The following PUS10 variants were observed in gnomAD, a reference collection of about 807,000 sequenced individuals.
The protein encoded by PUS10 is tRNA pseudouridine synthase Pus10.
A neutral mutation model predicts 75.0 loss-of-function variants in PUS10; 59 were observed. The ratio of observed to expected loss-of-function variants is 0.79; its 90% CI spans 0.64 to 0.98. The LOEUF (loss-of-function observed/expected upper bound fraction) is 0.98. Among genes scored for constraint, PUS10 ranks in the 50% least tolerant of loss-of-function variants. The probability of loss-of-function intolerance (pLI) is 0.00; values close to 1 mark genes in which losing one functional copy is unlikely to be tolerated. For missense variants in PUS10, 650 were observed against 614.4 expected, an observed-to-expected ratio of 1.06 and a Z score of -0.61; for synonymous variants, 219 against 211.6, an observed-to-expected ratio of 1.03 and a Z score of -0.30.
intron 4 of PUS10, among the ~76,000 whole-genome samples, chr2:60,981,090 G>A (rs904530575): frequency 2.0e-5 from 3 of 151,612 alleles, no homozygotes; most frequent in South Asian, 4.2e-4. Flanking sequence ...ATGGGGTTTC[G>A]CCATGTTGGC....
At chr2:60,963,974 G>C (rs1165781094) in intron 8 of PUS10, among the ~76,000 whole-genome samples, 1 of 152,214 alleles carries the variant, frequency 6.6e-6, no homozygotes, top group African/African-American at 2.4e-5. Context: ...TATTTGGGCA[G>C]AGCTTCCCAA....
intron 3 of PUS10, among the ~76,000 whole-genome samples, chr2:61,007,384 C>T (rs770894410): frequency 1.3e-5 from 2 of 152,058 alleles, no homozygotes; most frequent in Non-Finnish European, 2.9e-5. Flanking sequence ...ATCACTTGAG[C>T]CCAGAGGTGG....
intron 4 of PUS10, among the ~76,000 whole-genome samples, chr2:60,979,128 C>CACATACACATAT (rs1398190676): frequency 6.6e-6 from 1 of 151,852 alleles, no homozygotes; most frequent in Non-Finnish European, 1.5e-5. Context: ...CATACACATA[C>CACATACACATAT]ACATACACAT....
At chr2:60,945,336 ATTACT>A (rs1674877834) in intron 16 of PUS10, among the ~76,000 whole-genome samples, 1 of 152,210 alleles carries the variant, frequency 6.6e-6, no homozygotes, top group Non-Finnish European at 1.5e-5. Flanking sequence ...ACCAAAAATC[ATTACT>A]TTCTTTTTTC....
chr2:61,002,347 G>A (rs887937167), intron 4 of PUS10, among the ~76,000 whole-genome samples: 3 of 152,154 alleles, frequency 2.0e-5, no homozygotes, highest in African/African-American at 7.2e-5. Context: ...TCACACTACT[G>A]TATTCATTAG....
intron 4 of PUS10, among the ~76,000 whole-genome samples, chr2:60,990,621 A>T (rs1183043936): frequency 6.6e-6 from 1 of 152,216 alleles, no homozygotes; most frequent in Non-Finnish European, 1.5e-5. Flanking sequence ...CTGTGGCTGG[A>T]TTAAGGTAAT....
intron 4 of PUS10, among the ~76,000 whole-genome samples, chr2:60,976,564 G>C (rs1677044695): frequency 6.6e-6 from 1 of 152,194 alleles, no homozygotes; most frequent in African/African-American, 2.4e-5. Flanking sequence ...GGGAAACCAG[G>C]TAACCATGTG....
intron 17 of PUS10, among the ~76,000 whole-genome samples, chr2:60,943,694 C>A (rs1456950071): frequency 1.3e-5 from 2 of 151,364 alleles, no homozygotes; most frequent in African/African-American, 4.9e-5. Context: ...TAGCCATATA[C>A]CAAACACCCA....
rs368029948 is a variant in PUS10, at chr2:60,945,126, A to G, written c.1452-18T>C. The G allele has an allele frequency of 4.2e-5, 65 of 1,541,626 alleles. No individual in the cohort carries two copies. The highest frequency in any genetic ancestry group is 5.7e-5 in the Non-Finnish European group (63 of 1,114,036). ...TAATGTAGCTGGGGTTTGTTTAAGG[A>G]AAAAATGAAGACAGCATGCTGTACC... On this transcript the variant is annotated intron_variant, in intron 16 of 17. Transcript: ENST00000316752.
chr2:60,948,307 A>T lies in PUS10; in HGVS notation c.1309-122T>A, dbSNP rs113007649. On this transcript the variant is annotated intron_variant, in intron 15 of 17. Coordinates refer to ENST00000316752, the MANE Select transcript of PUS10 (RefSeq NM_144709.4). ...ATGCTTCCTTGAGAGAACTAAAATG[A>T]ATTGTGTCCCCTTAGGTTCAAACTC... is the stretch of plus-strand genomic sequence containing the variant. 3.4e-4 allele frequency: 309 copies of T among 918,542 alleles called. 2 individuals carry two copies. The African/African-American group carries it at 4.5e-3, about 13-fold the overall frequency. 56.9% of individuals were successfully genotyped at this position (918,542 alleles called of 1,614,324 possible).
chr2:60,995,632 T>G (rs79834923), intron 4 of PUS10, among the ~76,000 whole-genome samples: 1 of 152,344 alleles, frequency 6.6e-6, no homozygotes, highest in East Asian at 1.9e-4. Context: ...AAAAATAGTT[T>G]AATAAAGATC....
Position 60,941,759 on chromosome 2 carries a change from TA to T in PUS10, c.*635del, listed in dbSNP as rs1021304697. On this transcript the variant is annotated 3_prime_UTR_variant, in exon 18 of 18. Coordinates refer to ENST00000316752, the MANE Select transcript of PUS10 (RefSeq NM_144709.4). ...TTACTTTCCCTCCACAGGAAACCTA[TA>T]TTGACAATTTTAGATTGTCAAAATT... The T allele has an allele frequency of 1.3e-5, 2 of 152,306 alleles. No individual in the cohort carries two copies. The highest frequency in any genetic ancestry group is 2.1e-4 in the South Asian group (1 of 4,836). 9.4% of individuals were successfully genotyped at this position (152,306 alleles called of 1,614,324 possible).
At chr2:60,954,932 A>G in intron 12 of PUS10, 86 bp downstream of exon 12, 1 of 879,386 alleles carries the variant, frequency 1.1e-6, no homozygotes, top group Non-Finnish European at 1.7e-6. Flanking sequence ...TTTGTTTTTC[A>G]CTGAGTGACT....
At chr2:60,990,692 G>A (rs551685469) in intron 4 of PUS10, among the ~76,000 whole-genome samples, 1 of 152,182 alleles carries the variant, frequency 6.6e-6, no homozygotes, top group Non-Finnish European at 1.5e-5. Context: ...CTCTGGAGGA[G>A]AACATTATTT....
intron 14 of PUS10, 139 bp from the exon 15 acceptor site, chr2:60,953,253 T>C (rs2104238615): frequency 1.6e-6 from 1 of 635,598 alleles, no homozygotes; most frequent in East Asian, 2.6e-5. Flanking sequence ...TTTTAGTATG[T>C]TTTCAGAGTT....
At position 61,008,725 on chromosome 2, in the gene PUS10, C is replaced by A. The variant is rs575122890; in HGVS notation, c.381+36G>T. 4.2e-6 allele frequency: 6 copies of A among 1,437,536 alleles called. No homozygotes were observed. The African/African-American group carries it at 7.2e-5, about 17-fold the overall frequency. The allele number at this position is 1,437,536 out of a possible 1,614,324, so 89.0% of individuals were successfully genotyped here. ...TTGGTTTTAAGACTGAAAATCTCTA[C>A]ATAATTGCACCTATAATGAAAAACA... On this transcript the variant is annotated intron_variant, in intron 3 of 17. Transcript: ENST00000316752.
intron 11 of PUS10, among the ~76,000 whole-genome samples, chr2:60,955,980 T>G (rs953420011): frequency 6.6e-6 from 1 of 152,132 alleles, no homozygotes; most frequent in Non-Finnish European, 1.5e-5. Flanking sequence ...ATTCATTATA[T>G]ATGATTATAC....
At chr2:61,017,533 G>T in intron 1 of PUS10, 1 of 520,744 alleles carries the variant, frequency 1.9e-6, no homozygotes, top group East Asian at 3.1e-5. Flanking sequence ...TAGAAAGGCA[G>T]CTCTTTCTGG....
intron 16 of PUS10, among the ~76,000 whole-genome samples, chr2:60,947,220 T>G (rs1156809895): frequency 6.6e-6 from 1 of 152,154 alleles, no homozygotes; most frequent in Non-Finnish European, 1.5e-5. Context: ...TTGTTTTTGT[T>G]TTTTTTTCAC....
Sources: gnomAD v4.1 joint callset for allele counts (sites outside exome capture counted in the v4.1 genomes callset) on GRCh38, gnomAD v4.1.1 for gene constraint, MANE v1.5 for transcripts, NCBI Gene and HGNC (gene_info 2026-07-23, HGNC 2026-07-21) for gene names.